The following SDR42E2 variants were observed in gnomAD, a reference collection of about 807,000 sequenced individuals.
The protein encoded by SDR42E2 is putative short-chain dehydrogenase/reductase family 42E member 2.
Under a neutral mutation model 10.5 loss-of-function variants are expected in SDR42E2, and 20 were observed. The ratio of observed to expected loss-of-function variants is 1.90; its 90% CI spans 1.34 to 2.77. The LOEUF is 2.77. SDR42E2 is among the 30% of genes most tolerant of loss of function. SDR42E2 has a pLI of 0.00. For missense variants in SDR42E2, 162 were observed against 104.2 expected, an observed-to-expected ratio of 1.55 and a Z score of -2.42; for synonymous variants, 72 against 39.2, an observed-to-expected ratio of 1.84 and a Z score of -3.12.
rs765388302 is a variant in SDR42E2, at chr16:22,166,971, C to T, written c.308C>T (p.Ala103Val). Residue 103 changes from alanine to valine, a missense_variant, in exon 4 of 13, where the codon GCT becomes GTT. Transcript: ENST00000602312. Reference protein sequence around the residue: ...FEGVDCVFHVASYGMSGAEKL... With the variant: ...FEGVDCVFHVVSYGMSGAEKL... Reference sequence around the variant, plus strand: ...GGGGTGGACTGTGTCTTCCACGTGGCTTCCTATGGAATGTCCGGGGCTGAG... The same window carrying T: ...GGGGTGGACTGTGTCTTCCACGTGGTTTCCTATGGAATGTCCGGGGCTGAG... 1 of 702,392 alleles carries T rather than the reference C, an allele frequency of 1.4e-6. No homozygotes were observed. The highest frequency in any genetic ancestry group is 1.5e-5 in the South Asian group (1 of 67,554). The allele number at this position is 702,392 out of a possible 1,614,324, so 43.5% of individuals were successfully genotyped here.
At chr16:22,180,438 T>C (rs1283310475) in intron 8 of SDR42E2, among the ~76,000 whole-genome samples, 2 of 152,078 alleles carry the variant, frequency 1.3e-5, no homozygotes, top group African/African-American at 4.8e-5. Flanking sequence ...CGCTGGCTCA[T>C]GTCTGTAATC....
chr16:22,176,900 T>C (rs1598138477), intron 7 of SDR42E2, among the ~76,000 whole-genome samples: 1 of 152,234 alleles, frequency 6.6e-6, no homozygotes. Flanking sequence ...TCCGCTGAGA[T>C]AGAGCAGTGA....
chr16:22,164,521 T>C (rs940944147), intron 1 of SDR42E2, among the ~76,000 whole-genome samples: 1 of 152,186 alleles, frequency 6.6e-6, no homozygotes, highest in Non-Finnish European at 1.5e-5. Context: ...ATTGTGCCAC[T>C]GCACTCCAGC....
rs889426783 is a variant in SDR42E2, at chr16:22,166,253, C to T, written c.59C>T (p.Pro20Leu). ...TCAACAACAACCCCAACACCAGCGC[C>T]GCAGCAGAAGACTCAAGCCAAACCT... is the stretch of plus-strand genomic sequence containing the variant. The part of the protein sequence containing the change: ...LEACKAAGQA[P>L]QQKTQAKPTK... The change falls in exon 3 of 13, where the codon CCG (proline) becomes CTG (leucine). Residue 20 changes from proline (P) to leucine (L), a missense_variant. Physicochemically the swap from Pro to Leu is moderately conservative, Grantham distance 98 (BLOSUM62 -3). Coordinates refer to ENST00000602312, the MANE Select transcript of SDR42E2 (RefSeq NM_001394319.2). 4.5e-5 allele frequency: 18 copies of T among 402,930 alleles called. No homozygotes were observed. Among genetic ancestry groups the T allele is most frequent in the East Asian group, 1.8e-4 (5 of 28,096 alleles). The allele number at this position is 402,930 out of a possible 1,614,324, so 25.0% of individuals were successfully genotyped here.
chr16:22,174,797 G>A (rs934197083), intron 7 of SDR42E2, among the ~76,000 whole-genome samples: 4 of 152,204 alleles, frequency 2.6e-5, no homozygotes, highest in South Asian at 2.1e-4. Context: ...CTGGCCCTCC[G>A]TGAAGTAGCT....
rs948864368 is a variant in SDR42E2 at position 22,190,858 on chromosome 16, T to G, written c.*465T>G. ...CTCCAGACCTAGCCCCGCCCCCGTT[T>G]TATAACCCCGCCCCTGCTTCACGGC... On this transcript the variant is annotated 3_prime_UTR_variant, in exon 13 of 13. Coordinates refer to ENST00000602312, the MANE Select transcript of SDR42E2 (RefSeq NM_001394319.2). 4 of 151,158 alleles carry G rather than the reference T, an allele frequency of 2.6e-5. No individual in the cohort carries two copies. The highest frequency in any genetic ancestry group is 1.0e-4 in the African/African-American group (4 of 39,860). The allele number at this position is 151,158 out of a possible 1,614,324, so 9.4% of individuals were successfully genotyped here.
At position 22,190,498 on chromosome 16, in the gene SDR42E2, G is replaced by A; in HGVS notation, c.*105G>A. ...CCTGCCCCGCCTTCTGGGTTTGAGC[G>A]CGCCTCCGCTCCGCCCCTTGAATCC... is the stretch of plus-strand genomic sequence containing the variant. On this transcript the variant is annotated 3_prime_UTR_variant, in exon 13 of 13. Coordinates refer to ENST00000602312, the MANE Select transcript of SDR42E2 (RefSeq NM_001394319.2). 5.0e-6 allele frequency: 2 copies of A among 399,188 alleles called. No individual in the cohort carries two copies. The highest frequency in any genetic ancestry group is 8.8e-6 in the Non-Finnish European group (2 of 226,310). 24.7% of individuals were successfully genotyped at this position (399,188 alleles called of 1,614,324 possible). A position where few individuals can be genotyped will look rare whatever the true frequency, so the allele number is the denominator to read the frequency against.
intron 7 of SDR42E2, among the ~76,000 whole-genome samples, chr16:22,176,893 G>A (rs991630962): frequency 6.6e-6 from 1 of 152,216 alleles, no homozygotes; most frequent in Non-Finnish European, 1.5e-5. Flanking sequence ...GGGGAACTCC[G>A]CTGAGATAGA....
intron 4 of SDR42E2, among the ~76,000 whole-genome samples, chr16:22,167,812 T>C (rs568176205): frequency 1.5e-4 from 23 of 152,270 alleles, no homozygotes; most frequent in African/African-American, 5.1e-4. Flanking sequence ...ATTAAAAAAA[T>C]AGTTTCCAAG....
intron 2 of SDR42E2, among the ~76,000 whole-genome samples, 154 bp downstream of exon 2, chr16:22,165,791 G>C (rs999476202): frequency 6.6e-6 from 1 of 152,206 alleles, no homozygotes. Context: ...GCGGGTTCTG[G>C]TACTGTTCCG....
Position 22,166,994 on chromosome 16 carries a change from G to T in SDR42E2, c.331G>T (p.Glu111Ter). The change falls in exon 4 of 13, where the codon GAG (glutamate) becomes TAG (stop). Residue 111 changes from glutamate (E) to a stop codon, truncating the protein, a stop_gained. Transcript: ENST00000602312. LOFTEE classifies it high-confidence loss of function. Reference protein sequence around the residue: ...HVASYGMSGAEKLQKEQIESI... With the variant: ...HVASYGMSGA ...GGCTTCCTATGGAATGTCCGGGGCT[G>T]AGAAGGTGGGCTCCTCACACACAAC... 1.4e-6 allele frequency: 1 copy of T among 702,224 alleles called. No individual in the cohort carries two copies. The highest frequency in any genetic ancestry group is 2.6e-6 in the Non-Finnish European group (1 of 384,576). The allele number at this position is 702,224 out of a possible 1,614,324, so 43.5% of individuals were successfully genotyped here.
chr16:22,173,880 G>A (rs2046620685), intron 7 of SDR42E2, among the ~76,000 whole-genome samples: 1 of 118,326 alleles, frequency 8.5e-6, no homozygotes, highest in Non-Finnish European at 1.8e-5. Context: ...ATATGTATAT[G>A]GGCTACGTAT....
chr16:22,177,066 G>C (rs895168647), intron 7 of SDR42E2, among the ~76,000 whole-genome samples: 6 of 152,182 alleles, frequency 3.9e-5, no homozygotes, highest in African/African-American at 1.4e-4. Flanking sequence ...AGAAGCGGAG[G>C]TATTAGTGGA....
At chr16:22,169,623 G>A (rs919848894) in intron 5 of SDR42E2, 121 bp downstream of exon 5, 10 of 686,916 alleles carry the variant, frequency 1.5e-5, no homozygotes, top group African/African-American at 3.5e-5. Flanking sequence ...CGCATCCTTC[G>A]TGCACTGCAG....
intron 7 of SDR42E2, among the ~76,000 whole-genome samples, chr16:22,172,701 C>CT (rs1360192050): frequency 6.6e-6 from 1 of 152,200 alleles, no homozygotes; most frequent in Non-Finnish European, 1.5e-5. Flanking sequence ...AGATATAACA[C>CT]TTTGGAAGGG....
chr16:22,170,889 T>C lies in SDR42E2; in HGVS notation c.451T>C (p.Phe151Leu). 1 of 702,974 alleles carries C rather than the reference T, an allele frequency of 1.4e-6. No individual in the cohort carries two copies. The highest frequency in any genetic ancestry group is 2.6e-6 in the Non-Finnish European group (1 of 384,988). 43.5% of individuals were successfully genotyped at this position (702,974 alleles called of 1,614,324 possible). A position where few individuals can be genotyped will look rare whatever the true frequency, so the allele number is the denominator to read the frequency against. The change falls in exon 6 of 13, where the codon TTT becomes CTT. Residue 151 changes from phenylalanine to leucine, a missense_variant. Physicochemically the swap from Phe to Leu is conservative, Grantham distance 22. Coordinates refer to ENST00000602312, the MANE Select transcript of SDR42E2 (RefSeq NM_001394319.2). ...LIYTSTVNVA[F>L]GGKPIEQGDE... The stretch of plus-strand genomic sequence containing the variant: ...CTATACCAGCACTGTCAATGTTGCA[T>C]TTGGAGGGAAGCCCATAGAGCAGGG...
At chr16:22,176,731 G>C (rs1162134344) in intron 7 of SDR42E2, among the ~76,000 whole-genome samples, 1 of 152,156 alleles carries the variant, frequency 6.6e-6, no homozygotes, top group Non-Finnish European at 1.5e-5. Flanking sequence ...CTAGTAGTAG[G>C]TGTTCTTAAG....
intron 4 of SDR42E2, among the ~76,000 whole-genome samples, chr16:22,168,968 C>T (rs1325293705): frequency 6.6e-6 from 1 of 152,178 alleles, no homozygotes; most frequent in Non-Finnish European, 1.5e-5. Context: ...TCAGGAAGTT[C>T]TTGCCCTGTT....
intron 7 of SDR42E2, among the ~76,000 whole-genome samples, chr16:22,176,369 T>C (rs2046644954): frequency 6.6e-6 from 1 of 152,226 alleles, no homozygotes; most frequent in African/African-American, 2.4e-5. Context: ...AAGAAATGTA[T>C]TAATAGATAT....
Sources: gnomAD v4.1 joint callset for allele counts (sites outside exome capture counted in the v4.1 genomes callset) on GRCh38, gnomAD v4.1.1 for gene constraint, MANE v1.5 for transcripts, NCBI Gene and HGNC (gene_info 2026-07-23, HGNC 2026-07-21) for gene names.